Variants in CAPN15 observed in about 807,000 individuals in gnomAD.
The protein encoded by CAPN15 is calpain 15.
CAPN15 carries 53 observed loss-of-function variants against 97.9 expected under a neutral mutation model. The ratio of observed to expected loss-of-function variants is 0.54; its 90% CI spans 0.43 to 0.68. The LOEUF (loss-of-function observed/expected upper bound fraction) is 0.68, where lower values mean the gene tolerates loss of function less well. Ranked by LOEUF, CAPN15 falls within the 30% of genes least tolerant of loss-of-function variation. CAPN15 has a pLI of 0.00. For synonymous variants in CAPN15, 922 were observed against 722.5 expected, an observed-to-expected ratio of 1.28 and a Z score of -4.43; for missense variants, 1,592 against 1,589.8, an observed-to-expected ratio of 1.00 and a Z score of -0.02.
chr16:536,631 G>A (rs1322185344), intron 3 of CAPN15, among the ~76,000 whole-genome samples: 1 of 152,112 alleles, frequency 6.6e-6, no homozygotes, highest in Non-Finnish European at 1.5e-5. Flanking sequence ...TCTCCATCTT[G>A]CGCAGGCTAG....
intron 3 of CAPN15, 131 bp downstream of exon 3, chr16:536,273 C>T: frequency 6.0e-6 from 1 of 167,408 alleles, no homozygotes; most frequent in Non-Finnish European, 1.2e-5. Context: ...GAGATGCAGT[C>T]AGCCCTGGCT....
intron 3 of CAPN15, chr16:540,144 G>A (rs2034013783): frequency 1.0e-6 from 1 of 985,470 alleles, no homozygotes; most frequent in African/African-American, 1.7e-5. Flanking sequence ...CTGCTGGCCA[G>A]AGGTGACCAG....
Position 551,623 on chromosome 16 carries a change from C to T in CAPN15, c.2304C>T (p.Ser768=), listed in dbSNP as rs745449764. The T allele has an allele frequency of 4.1e-5, 66 of 1,605,384 alleles. No individual in the cohort carries two copies. The highest frequency in any genetic ancestry group is 5.2e-5 in the Non-Finnish European group (61 of 1,178,288). ...GTGGCGAGCTCATGCCGCACGGCAG[C>T]AGTGAGGGTGTCTTCTGGATGGAGT... is the stretch of plus-strand genomic sequence containing the variant. ...HLRGELMPHG[S]SEGVFWMEYG... Residue 768 remains serine, a synonymous_variant, in exon 9 of 14, where the codon AGC becomes AGT. Transcript: ENST00000219611.
chr16:533,634 C>T (rs537437012), intron 1 of CAPN15, among the ~76,000 whole-genome samples: 14 of 152,282 alleles, frequency 9.2e-5, no homozygotes, highest in South Asian at 2.1e-4. Context: ...GTGGGAGGTC[C>T]GGACAGGATC....
Position 552,320 on chromosome 16 carries a change from A to C in CAPN15, c.2527A>C (p.Ser843Arg). ...GCGCAGGCGCTCGGACGCCGTGGACAGCCACCTGCTGGACCTGTGCATCCT... is the reference window on the plus strand; with the variant it reads ...GCGCAGGCGCTCGGACGCCGTGGACCGCCACCTGCTGGACCTGTGCATCCT... ...EGSRRSDAVD[S>R]HLLDLCILVF... The change falls in exon 11 of 14, where the codon AGC becomes CGC. Residue 843 changes from serine (S) to arginine (R), a missense_variant. Transcript: ENST00000219611. This position sits in a 1 kb window ranked among gnomAD's most constrained non-coding sequence, Gnocchi z 6.4. 1 of 1,574,674 alleles carries C rather than the reference A, an allele frequency of 6.4e-7. No individual in the cohort carries two copies. The highest frequency in any genetic ancestry group is 8.6e-7 in the Non-Finnish European group (1 of 1,165,782).
chr16:534,499 A>G (rs1021973757), intron 2 of CAPN15, among the ~76,000 whole-genome samples: 1 of 152,120 alleles, frequency 6.6e-6, no homozygotes, highest in African/African-American at 2.4e-5. Flanking sequence ...TGTTTCTTGT[A>G]GGGACGATGG....
At chr16:533,872 C>CGG in intron 1 of CAPN15, 74 bp from the exon 2 acceptor site, 1 of 738,554 alleles carries the variant, frequency 1.4e-6, no homozygotes, top group East Asian at 1.3e-4. Context: ...GGGCTGGAGG[C>CGG]GGGGCTCTGT....
chr16:544,498 C>T (rs547427426), intron 3 of CAPN15, among the ~76,000 whole-genome samples: 1 of 152,284 alleles, frequency 6.6e-6, no homozygotes, highest in African/African-American at 2.4e-5. Flanking sequence ...CCGGGTGCTG[C>T]TGTCCCGGCT....
intron 1 of CAPN15, among the ~76,000 whole-genome samples, chr16:529,442 C>T (rs973998033): frequency 3.9e-5 from 6 of 152,302 alleles, no homozygotes; most frequent in South Asian, 2.1e-4. Flanking sequence ...GGTGAGGAAC[C>T]GAAGCTGGAG....
At chr16:533,600 T>C (rs1198036387) in intron 1 of CAPN15, among the ~76,000 whole-genome samples, 1 of 152,140 alleles carries the variant, frequency 6.6e-6, no homozygotes, top group Non-Finnish European at 1.5e-5. Flanking sequence ...GCCCACGGCC[T>C]GCTCCTTGTA....
chr16:551,436 G>A lies in CAPN15; in HGVS notation c.2192+9G>A, dbSNP rs577995632. The stretch of plus-strand genomic sequence containing the variant: ...GATGTCCAGGGCACCAGGTAGGGCC[G>A]GCCTGGCTGAGGGTGGGTGGGGTGC... On this transcript the variant is annotated intron_variant, in intron 8 of 13. Transcript: ENST00000219611. The A allele has an allele frequency of 3.9e-5, 63 of 1,603,582 alleles. No homozygotes were observed. Among genetic ancestry groups the A allele is most frequent in the South Asian group, 2.6e-4 (24 of 90,666 alleles).
At chr16:540,053 T>C (rs1238354100) in intron 3 of CAPN15, 1 of 982,776 alleles carries the variant, frequency 1.0e-6, no homozygotes, top group Non-Finnish European at 1.2e-6. Flanking sequence ...CTATTTTCTC[T>C]CTCTGTCTGT....
rs553800278 is a variant in CAPN15 at position 553,966 on chromosome 16, G to A, written c.*450G>A. 8.5e-5 allele frequency: 16 copies of A among 188,520 alleles called. No homozygotes were observed. The highest frequency in any genetic ancestry group is 3.9e-4 in the Admixed American group (7 of 17,978). 11.7% of individuals were successfully genotyped at this position (188,520 alleles called of 1,614,324 possible). A position where few individuals can be genotyped will look rare whatever the true frequency, so the allele number is the denominator to read the frequency against. On this transcript the variant is annotated 3_prime_UTR_variant, in exon 14 of 14. Coordinates refer to ENST00000219611, the MANE Select transcript of CAPN15 (RefSeq NM_005632.3). ...TAAGGTCAGTTTTCCCCCAGAGCCCGGGTCCCTGTCCCCCACAGGGCAGGC... is the reference window on the plus strand; with the variant it reads ...TAAGGTCAGTTTTCCCCCAGAGCCCAGGTCCCTGTCCCCCACAGGGCAGGC...
rs201672941 is a variant in CAPN15, at chr16:551,476, C to T, written c.2193-36C>T. 6.7e-4 allele frequency: 1,077 copies of T among 1,600,656 alleles called. 7 individuals carry two copies. The highest frequency in any genetic ancestry group is 6.6e-3 in the South Asian group (596 of 90,728). On this transcript the variant is annotated intron_variant, in intron 8 of 13. Transcript: ENST00000219611. Reference sequence around the variant, plus strand: ...GGGTGGGGTGCCGGTGAGACTCGGGCAGTGTGGTTCAGATCCTCACCCCTG... The same window carrying T: ...GGGTGGGGTGCCGGTGAGACTCGGGTAGTGTGGTTCAGATCCTCACCCCTG...
intron 3 of CAPN15, among the ~76,000 whole-genome samples, chr16:544,408 C>T (rs531764619): frequency 5.9e-5 from 9 of 152,184 alleles, no homozygotes; most frequent in Middle Eastern, 3.4e-3. Flanking sequence ...ATGCAGCTTC[C>T]TGCTCCTCAC....
At position 548,137 on chromosome 16, in the gene CAPN15, C is replaced by T. The variant is rs747596958; in HGVS notation, c.1299C>T (p.Ala433=). Residue 433 remains alanine, a synonymous_variant, in exon 4 of 14, where the codon GCC becomes GCT. Transcript: ENST00000219611. ...ACGCACTGCGGGCCAAGCACTGCGC[C>T]GCCTGCCACACGCCTCAGCTCCTGG... ...LLNALRAKHC[A]ACHTPQLLVA... is the part of the protein sequence containing the mutation. 36 of 1,529,970 alleles carry T rather than the reference C, an allele frequency of 2.4e-5. No homozygotes were observed. The highest frequency in any genetic ancestry group is 2.2e-4 in the East Asian group (9 of 40,552). The allele number at this position is 1,529,970 out of a possible 1,614,324, so 94.8% of individuals were successfully genotyped here.
chr16:531,242 C>G (rs2033228412), intron 1 of CAPN15, among the ~76,000 whole-genome samples: 1 of 152,120 alleles, frequency 6.6e-6, no homozygotes, highest in African/African-American at 2.4e-5. Context: ...GCTCTGTTGC[C>G]CACGCTGGAG....
chr16:549,255 GTCCCC>G, intron 5 of CAPN15, 28 bp from the exon 6 acceptor site: 1 of 1,555,242 alleles, frequency 6.4e-7, no homozygotes, highest in Non-Finnish European at 8.7e-7. Context: ...ACCGGCCGCG[GTCCCC>G]GCGAGGTCAC....
At position 548,098 on chromosome 16, in the gene CAPN15, C is replaced by A; in HGVS notation, c.1260C>A (p.Ala420=). Residue 420 remains alanine (A), a synonymous_variant, in exon 4 of 14, where the codon GCC becomes GCA. Transcript: ENST00000219611. The part of the protein sequence containing the change: ...PERPGQWACP[A]CTLLNALRAK... Reference sequence around the variant, plus strand: ...GCCCGGGCCAGTGGGCCTGCCCTGCCTGTACCCTGCTCAACGCACTGCGGG... The same window carrying A: ...GCCCGGGCCAGTGGGCCTGCCCTGCATGTACCCTGCTCAACGCACTGCGGG... 1 of 1,541,282 alleles carries A rather than the reference C, an allele frequency of 6.5e-7. No homozygotes were observed. The highest frequency in any genetic ancestry group is 1.9e-5 in the Admixed American group (1 of 52,156).
Sources: gnomAD v4.1 joint callset for allele counts (sites outside exome capture counted in the v4.1 genomes callset) on GRCh38, gnomAD v4.1.1 for gene constraint, Gnocchi (gnomAD v3.1) non-coding constraint, MANE v1.5 for transcripts, NCBI Gene and HGNC (gene_info 2026-07-23, HGNC 2026-07-21) for gene names.